ARHGAP42: variants seen among roughly 807,000 people sequenced by gnomAD.
The protein encoded by ARHGAP42 is rho GTPase-activating protein 42.
A neutral mutation model predicts 125.0 loss-of-function variants in ARHGAP42; 63 were observed. That is an observed-to-expected ratio of 0.50 (90% CI 0.41 to 0.62). The LOEUF is 0.62. Ranked by LOEUF, ARHGAP42 falls within the 20% of genes least tolerant of loss-of-function variation. The pLI, the probability that ARHGAP42 is intolerant of heterozygous loss-of-function variation, is 0.00. For synonymous variants in ARHGAP42, 339 were observed against 351.0 expected (o/e 0.97, Z 0.38); for missense variants, 766 against 1,024.2 (o/e 0.75, Z 3.44).
At chr11:100,893,845 T>G (rs576983441) in intron 4 of ARHGAP42, among the ~76,000 whole-genome samples, 1 of 152,106 alleles carries the variant, frequency 6.6e-6, no homozygotes, top group Non-Finnish European at 1.5e-5. Flanking sequence ...GATAGAAATA[T>G]TTATTTTAGG....
intron 15 of ARHGAP42, 58 bp downstream of exon 15, chr11:100,961,826 A>G: frequency 7.2e-7 from 1 of 1,385,934 alleles, no homozygotes; most frequent in South Asian, 1.3e-5. Context: ...CCCCTTGAGT[A>G]GTAACCACGT....
intron 4 of ARHGAP42, among the ~76,000 whole-genome samples, chr11:100,898,512 T>C (rs1222854461): frequency 6.6e-6 from 1 of 152,208 alleles, no homozygotes; most frequent in African/African-American, 2.4e-5. Context: ...ATTGCTTCAA[T>C]TTCAGAGCCT....
At chr11:100,966,318 AGT>A (rs1858093278) in intron 17 of ARHGAP42, among the ~76,000 whole-genome samples, 1 of 152,148 alleles carries the variant, frequency 6.6e-6, no homozygotes, top group Non-Finnish European at 1.5e-5. Flanking sequence ...CAAAAGCAAT[AGT>A]GTGTGTGTAC....
intron 3 of ARHGAP42, among the ~76,000 whole-genome samples, chr11:100,830,234 A>G (rs1701169165): frequency 6.6e-6 from 1 of 152,200 alleles, no homozygotes; most frequent in African/African-American, 2.4e-5. Flanking sequence ...CTTATACTGA[A>G]TGCTCTTTGG....
chr11:100,764,319 T>G lies in ARHGAP42; in HGVS notation c.155-6024T>G, dbSNP rs1006703862. Among the ~76,000 whole-genome samples the G allele has an allele frequency of 1.9e-4, 29 of 152,174 alleles. 2 individuals carry two copies. The highest frequency in any genetic ancestry group is 6.8e-4 in the African/African-American group (28 of 41,462). Reference sequence around the variant, plus strand: ...GATTACAGGCATGAGCCAATATGCCTAGCCCCTCCCAGTTTTAATGCCCAT... The same window carrying G: ...GATTACAGGCATGAGCCAATATGCCGAGCCCCTCCCAGTTTTAATGCCCAT... On this transcript the variant is annotated intron_variant, in intron 1 of 23. Coordinates refer to ENST00000298815, the MANE Select transcript of ARHGAP42 (RefSeq NM_152432.4).
At chr11:100,980,559 C>CTTCTTTTTTTTTTTCTTTTTTTT in intron 22 of ARHGAP42, among the ~76,000 whole-genome samples, 1 of 51,962 alleles carries the variant, frequency 1.9e-5, no homozygotes, top group Non-Finnish European at 3.8e-5. Flanking sequence ...TTTTCTTCTT[C>CTTCTTTTTTTTTTTCTTTTTTTT]TTTTTTTTTT....
At chr11:100,929,644 C>T (rs1000744054) in intron 6 of ARHGAP42, among the ~76,000 whole-genome samples, 4 of 152,216 alleles carry the variant, frequency 2.6e-5, no homozygotes, top group African/African-American at 9.6e-5. Context: ...GTTTTGATTT[C>T]GATTTCTCTG....
At chr11:100,773,183 G>A (rs1863023162) in intron 2 of ARHGAP42, among the ~76,000 whole-genome samples, 1 of 152,142 alleles carries the variant, frequency 6.6e-6, no homozygotes, top group African/African-American at 2.4e-5. Flanking sequence ...GCAGAAGCCA[G>A]ATTTTTTTCT....
chr11:100,840,526 CTTTACGTT>C (rs1240504811), intron 3 of ARHGAP42: 1 of 152,016 alleles, frequency 6.6e-6, no homozygotes, highest in Admixed American at 6.6e-5. Flanking sequence ...TGTTAATTTC[CTTTACGTT>C]TTTTGACCAT....
intron 3 of ARHGAP42, among the ~76,000 whole-genome samples, chr11:100,859,083 A>G (rs191390545): frequency 3.9e-4 from 60 of 152,226 alleles, no homozygotes; most frequent in African/African-American, 1.3e-3. Context: ...TCAATTCCTC[A>G]TTTTGAGGAA....
intron 2 of ARHGAP42, among the ~76,000 whole-genome samples, chr11:100,785,739 C>G (rs999716586): frequency 6.6e-6 from 1 of 152,166 alleles, no homozygotes; most frequent in Non-Finnish European, 1.5e-5. Context: ...GATTATTCCC[C>G]TTCAGTCAGG....
intron 3 of ARHGAP42, among the ~76,000 whole-genome samples, chr11:100,849,346 G>A (rs1865149046): frequency 1.3e-5 from 2 of 152,146 alleles, no homozygotes; most frequent in Admixed American, 1.3e-4. Context: ...TTTATGACCA[G>A]ATCTGGATTT....
intron 5 of ARHGAP42, among the ~76,000 whole-genome samples, chr11:100,917,053 T>TGTGTGTGTGTG (rs1867087675): frequency 7.6e-6 from 1 of 132,304 alleles, no homozygotes; most frequent in South Asian, 2.3e-4. Flanking sequence ...GTGTGTGTGT[T>TGTGTGTGTGTG]ACACATCAAA....
At chr11:100,830,587 G>A (rs1258456583) in intron 3 of ARHGAP42, among the ~76,000 whole-genome samples, 10 of 152,170 alleles carry the variant, frequency 6.6e-5, no homozygotes, top group African/African-American at 2.4e-4. Context: ...TGTTTCTTGT[G>A]TGCATTAAAG....
intron 3 of ARHGAP42, among the ~76,000 whole-genome samples, chr11:100,855,803 T>A (rs1865310236): frequency 6.6e-6 from 1 of 152,126 alleles, no homozygotes; most frequent in African/African-American, 2.4e-5. Flanking sequence ...GATTTGCTTT[T>A]CTTCTACTGA....
At chr11:100,966,912 G>T (rs1247809733) in intron 17 of ARHGAP42, among the ~76,000 whole-genome samples, 1 of 152,076 alleles carries the variant, frequency 6.6e-6, no homozygotes, top group Non-Finnish European at 1.5e-5. Flanking sequence ...GAGTACCATG[G>T]TTTACAATAA....
intron 3 of ARHGAP42, 107 bp from the exon 4 acceptor site, chr11:100,859,447 C>A (rs1009998725): frequency 3.2e-6 from 3 of 931,684 alleles, no homozygotes; most frequent in Admixed American, 3.3e-5. Flanking sequence ...TAGATGCAAA[C>A]AAAAACAAAA....
At chr11:100,863,675 G>T (rs1379450503) in intron 4 of ARHGAP42, among the ~76,000 whole-genome samples, 2 of 152,188 alleles carry the variant, frequency 1.3e-5, no homozygotes, top group African/African-American at 4.8e-5. Context: ...CAGATACTTG[G>T]AGATTAGAAG....
intron 3 of ARHGAP42, among the ~76,000 whole-genome samples, chr11:100,848,240 G>A (rs1865117957): frequency 4.6e-5 from 7 of 152,174 alleles, no homozygotes; most frequent in Admixed American, 3.3e-4. Context: ...CCGAGAACGT[G>A]CATTTTTCCC....
Sources: allele counts gnomAD v4.1 joint callset (sites outside exome capture counted in the v4.1 genomes callset), GRCh38; gene constraint gnomAD v4.1.1; transcripts MANE v1.5; gene names NCBI Gene and HGNC (gene_info 2026-07-23, HGNC 2026-07-21).